CACNB4: variants seen among roughly 807,000 people sequenced by gnomAD.
The protein encoded by CACNB4 is calcium voltage-gated channel auxiliary subunit beta 4.
Under a neutral mutation model 71.2 loss-of-function variants are expected in CACNB4, and 32 were observed. The ratio of observed to expected loss-of-function variants is 0.45; its 90% CI spans 0.34 to 0.60. The LOEUF is 0.60. Ranked by LOEUF, CACNB4 falls within the 20% of genes least tolerant of loss-of-function variation. The probability of loss-of-function intolerance (pLI) is 0.01; values close to 1 mark genes in which losing one functional copy is unlikely to be tolerated. For missense variants in CACNB4, 464 were observed against 647.9 expected, an observed-to-expected ratio of 0.72 and a Z score of 3.08; for synonymous variants, 231 against 236.9, an observed-to-expected ratio of 0.97 and a Z score of 0.23.
intron 2 of CACNB4, among the ~76,000 whole-genome samples, chr2:152,013,846 T>C (rs1422363309): frequency 6.6e-6 from 1 of 152,248 alleles, no homozygotes; most frequent in East Asian, 1.9e-4. Flanking sequence ...GCATACCTTT[T>C]ACAGACTTCC....
At chr2:152,076,370 G>T (rs2105396592) in intron 2 of CACNB4, among the ~76,000 whole-genome samples, 1 of 147,996 alleles carries the variant, frequency 6.8e-6, no homozygotes, top group South Asian at 2.2e-4. Flanking sequence ...CACCATGTTG[G>T]TCAGGCTGGT....
chr2:151,993,563 CT>C (rs70974814), intron 2 of CACNB4, among the ~76,000 whole-genome samples: 102,385 of 116,694 alleles, frequency 0.88, 46,052 homozygotes, highest in South Asian at 0.98. Flanking sequence ...TTGGGGAGCA[CT>C]TTTTTTTTTT....
intron 2 of CACNB4, among the ~76,000 whole-genome samples, chr2:152,015,874 A>G (rs1319292431): frequency 1.3e-5 from 2 of 152,272 alleles, no homozygotes; most frequent in African/African-American, 4.8e-5. Flanking sequence ...CCACCCAGTT[A>G]GTCAATATCT....
At chr2:151,850,348 G>C (rs1161211656) in intron 12 of CACNB4, 4 of 152,054 alleles carry the variant, frequency 2.6e-5, no homozygotes, top group African/African-American at 9.7e-5. Context: ...CACCATGTTG[G>C]TCAGGCTGGT....
intron 2 of CACNB4, among the ~76,000 whole-genome samples, chr2:152,005,657 T>C (rs1458218973): frequency 6.6e-6 from 1 of 152,158 alleles, no homozygotes; most frequent in African/African-American, 2.4e-5. Flanking sequence ...TATTTCTAAA[T>C]CTACAATAAA....
At chr2:152,096,455 G>T (rs1364237080) in intron 2 of CACNB4, among the ~76,000 whole-genome samples, 1 of 152,116 alleles carries the variant, frequency 6.6e-6, no homozygotes, top group East Asian at 1.9e-4. Flanking sequence ...CTGCACCCCA[G>T]CCTGGGCGAC....
chr2:152,098,712 T>C lies in CACNB4; in HGVS notation c.63+237A>G. 6.4e-7 allele frequency: 1 copy of C among 1,553,530 alleles called. No homozygotes were observed. The highest frequency in any genetic ancestry group is 8.7e-7 in the Non-Finnish European group (1 of 1,148,440). On this transcript the variant is annotated intron_variant, in intron 1 of 13. Coordinates refer to ENST00000539935, the MANE Select transcript of CACNB4 (RefSeq NM_000726.5). This position sits in a 1 kb window ranked among gnomAD's most constrained non-coding sequence, Gnocchi z 5.3. ...GCATCCGCTGGGGGAGGCTGCGGGC[T>C]CCGGAGCGGGAGCGCAGAGACCCGA... is the stretch of plus-strand genomic sequence containing the variant.
chr2:151,859,053 C>CA (rs2099840999), intron 10 of CACNB4: 1 of 152,172 alleles, frequency 6.6e-6, no homozygotes, highest in Non-Finnish European at 1.5e-5. Context: ...GTTCAATAAA[C>CA]ATTTGATGAA....
chr2:152,058,332 A>G (rs976145232), intron 2 of CACNB4, among the ~76,000 whole-genome samples: 2 of 152,236 alleles, frequency 1.3e-5, no homozygotes, highest in Admixed American at 1.3e-4. Flanking sequence ...GAACTGGGTA[A>G]TGGGCAGAGG....
At chr2:151,862,527 T>G (rs769517865) in intron 9 of CACNB4, among the ~76,000 whole-genome samples, 4 of 152,218 alleles carry the variant, frequency 2.6e-5, no homozygotes, top group Non-Finnish European at 4.4e-5. Context: ...TTTTTGCAGA[T>G]ACACCTCAGG....
chr2:151,870,473 C>T (rs2099844345), intron 8 of CACNB4, 58 bp downstream of exon 8: 2 of 1,415,828 alleles, frequency 1.4e-6, no homozygotes, highest in African/African-American at 2.8e-5. Flanking sequence ...CAAGCGTCAA[C>T]ATGACTGTCT....
At chr2:151,854,322 A>G (rs970612522) in intron 11 of CACNB4, 8 of 152,232 alleles carry the variant, frequency 5.3e-5, no homozygotes, top group Non-Finnish European at 1.0e-4. Context: ...CTGATTCTCA[A>G]AAGGCCCTAG....
chr2:151,986,953 T>TCCTAC (rs1407964054), intron 2 of CACNB4, among the ~76,000 whole-genome samples: 2 of 152,150 alleles, frequency 1.3e-5, no homozygotes, highest in African/African-American at 4.8e-5. Context: ...AGTGGTCATC[T>TCCTAC]CCTACCACCA....
intron 2 of CACNB4, among the ~76,000 whole-genome samples, chr2:151,922,690 T>C (rs1281785445): frequency 1.3e-5 from 2 of 152,206 alleles, no homozygotes; most frequent in East Asian, 1.9e-4. Flanking sequence ...TTGGCATGTA[T>C]AGTCTGAAGT....
chr2:151,926,156 T>C (rs915819543), intron 2 of CACNB4, among the ~76,000 whole-genome samples: 1 of 152,080 alleles, frequency 6.6e-6, no homozygotes, highest in Non-Finnish European at 1.5e-5. Flanking sequence ...GAGAAGACAT[T>C]GAAGGACTGA....
chr2:151,971,519 C>G lies in CACNB4; in HGVS notation c.148-88149G>C, dbSNP rs2099872545. On this transcript the variant is annotated intron_variant, in intron 2 of 13. Coordinates refer to ENST00000539935, the MANE Select transcript of CACNB4 (RefSeq NM_000726.5). ...CAGACCTGTTCCGAGAGCTCTGCTT[C>G]CATCTGGACAACCCCCCACACTTAC... The G allele has an allele frequency of 4.3e-6, 3 of 702,936 alleles. 1 individual carries two copies. In the African/African-American group the frequency reaches 5.2e-5, roughly 12 times the overall value. 43.5% of individuals were successfully genotyped at this position (702,936 alleles called of 1,614,324 possible). A position where few individuals can be genotyped will look rare whatever the true frequency, so the allele number is the denominator to read the frequency against.
intron 3 of CACNB4, among the ~76,000 whole-genome samples, chr2:151,882,558 C>T (rs895204261): frequency 2.0e-5 from 3 of 151,978 alleles, no homozygotes; most frequent in Admixed American, 6.6e-5. Flanking sequence ...CAAAAAGGGT[C>T]GTGCTTCAAA....
At chr2:152,072,588 G>A (rs535074373) in intron 2 of CACNB4, among the ~76,000 whole-genome samples, 1 of 151,580 alleles carries the variant, frequency 6.6e-6, no homozygotes, top group Non-Finnish European at 1.5e-5. Flanking sequence ...CTCAAACAAG[G>A]CTTATGAAAA....
chr2:152,069,492 A>G (rs937599759), intron 2 of CACNB4, among the ~76,000 whole-genome samples: 5 of 151,234 alleles, frequency 3.3e-5, no homozygotes, highest in African/African-American at 1.2e-4. Flanking sequence ...ACAAGCACAT[A>G]AAGAACACGC....
Sources: gnomAD v4.1 joint callset for allele counts (sites outside exome capture counted in the v4.1 genomes callset) on GRCh38, gnomAD v4.1.1 for gene constraint, Gnocchi (gnomAD v3.1) non-coding constraint, MANE v1.5 for transcripts, NCBI Gene and HGNC (gene_info 2026-07-23, HGNC 2026-07-21) for gene names.